The following UNC79 variants were observed in gnomAD, a reference collection of about 807,000 sequenced individuals.
UNC79 encodes the protein unc-79 subunit of NALCN channel complex, also known as protein unc-79 homolog.
In UNC79, 37 loss-of-function variants were observed where a neutral mutation model predicts 283.1. The ratio of observed to expected loss-of-function variants is 0.13; its 90% CI spans 0.10 to 0.17. The LOEUF (loss-of-function observed/expected upper bound fraction) is 0.17, where lower values mean the gene tolerates loss of function less well. Ranked by LOEUF, UNC79 falls within the 10% of genes least tolerant of loss-of-function variation. The probability of loss-of-function intolerance (pLI) is 1.00; values close to 1 mark genes in which losing one functional copy is unlikely to be tolerated. For synonymous variants in UNC79, 1,107 were observed against 1,200.2 expected, an observed-to-expected ratio of 0.92 and a Z score of 1.61; for missense variants, 2,272 against 3,211.1, an observed-to-expected ratio of 0.71 and a Z score of 7.07.
intron 1 of UNC79, among the ~76,000 whole-genome samples, chr14:93,404,349 G>T (rs2055172336): frequency 6.7e-6 from 1 of 149,430 alleles, no homozygotes; most frequent in Non-Finnish European, 1.5e-5. Flanking sequence ...AATTAGCCAG[G>T]CATGATGGCA....
intron 47 of UNC79, among the ~76,000 whole-genome samples, chr14:93,701,075 G>A (rs2075495418): frequency 6.6e-6 from 1 of 152,046 alleles, no homozygotes; most frequent in South Asian, 2.1e-4. Context: ...ACCTCCCAGG[G>A]CTCCTGGCTA....
intron 40 of UNC79, among the ~76,000 whole-genome samples, chr14:93,667,724 A>G (rs1476772341): frequency 1.3e-5 from 2 of 152,204 alleles, no homozygotes; most frequent in Non-Finnish European, 1.5e-5. Flanking sequence ...GAGAAGGACA[A>G]TAGGGGAAAG....
Position 93,371,341 on chromosome 14 carries a change from C to T in UNC79, c.-351+37818C>T, listed in dbSNP as rs373136592. Among the ~76,000 whole-genome samples, 21 of 150,908 alleles carry T rather than the reference C, an allele frequency of 1.4e-4. No homozygotes were observed. In the South Asian group the frequency reaches 2.1e-3, roughly 15 times the overall value. ...GGTGGAGGTTGCAGTGAGCCAAGAT[C>T]GCACCATGGCACTCCAGCCTGGGTG... On this transcript the variant is annotated intron_variant, in intron 1 of 49. Coordinates refer to the UNC79 transcript ENST00000256339.
intron 22 of UNC79, among the ~76,000 whole-genome samples, chr14:93,589,178 T>C (rs1367160731): frequency 6.6e-6 from 1 of 151,998 alleles, no homozygotes; most frequent in Non-Finnish European, 1.5e-5. Context: ...ACCAACTTAG[T>C]AGGGGTTTGG....
chr14:93,378,017 C>A (rs1354677749), intron 1 of UNC79, among the ~76,000 whole-genome samples: 1 of 152,162 alleles, frequency 6.6e-6, no homozygotes, highest in Admixed American at 6.5e-5. Context: ...CCAGACTTAA[C>A]ACTTGTTTTA....
chr14:93,479,944 C>G (rs938722484), intron 4 of UNC79, among the ~76,000 whole-genome samples: 1 of 152,184 alleles, frequency 6.6e-6, no homozygotes, highest in Non-Finnish European at 1.5e-5. Context: ...AGCTTTCTAA[C>G]AATTAATCTA....
Position 93,540,619 on chromosome 14 carries a change from T to G in UNC79, c.1353-41T>G, listed in dbSNP as rs777457052. 3 of 1,596,016 alleles carry G rather than the reference T, an allele frequency of 1.9e-6. No individual in the cohort carries two copies. In the African/African-American group the frequency reaches 4.0e-5, roughly 21 times the overall value. Reference sequence around the variant, plus strand: ...GAATGGGTCATGATCTAGAATGTGTTTTTTCACAGTCTAACTTGAAATCAC... The same window carrying G: ...GAATGGGTCATGATCTAGAATGTGTGTTTTCACAGTCTAACTTGAAATCAC... On this transcript the variant is annotated intron_variant, in intron 12 of 48. Coordinates refer to ENST00000555664, the Ensembl canonical transcript of UNC79.
At chr14:93,387,409 T>C (rs756406785) in intron 1 of UNC79, among the ~76,000 whole-genome samples, 2 of 152,208 alleles carry the variant, frequency 1.3e-5, no homozygotes, top group Non-Finnish European at 2.9e-5. Flanking sequence ...CTGCTTTTGC[T>C]GTATTTCTTA....
At chr14:93,673,188 C>T (rs548759644) in intron 40 of UNC79, among the ~76,000 whole-genome samples, 163 bp from the exon 44 acceptor site, 1 of 151,720 alleles carries the variant, frequency 6.6e-6, no homozygotes, top group Non-Finnish European at 1.5e-5. Flanking sequence ...ACAAAAATGC[C>T]TTTTTTTTGT....
chr14:93,641,358 T>G, intron 33 of UNC79, 111 bp downstream of exon 36: 3 of 1,033,874 alleles, frequency 2.9e-6, no homozygotes, highest in Non-Finnish European at 4.3e-6. Flanking sequence ...TCATAATTTG[T>G]TCCTCCAGTA....
chr14:93,474,405 G>A lies in UNC79; in HGVS notation c.448+12G>A, dbSNP rs151091756. ...GCACGGCCAACACGGTGAGCACTTAGCTGAAACCTTTGGAAATGTACGTGG... is the reference window on the plus strand; with the variant it reads ...GCACGGCCAACACGGTGAGCACTTAACTGAAACCTTTGGAAATGTACGTGG... On this transcript the variant is annotated intron_variant, in intron 3 of 48. Transcript: ENST00000555664. The surrounding 1 kb of genome is among the most constrained non-coding windows in gnomAD (Gnocchi z 4.1). 0.01 allele frequency: 15,896 copies of A among 1,530,074 alleles called. 109 individuals carry two copies. Among genetic ancestry groups the A allele is most frequent in the Non-Finnish European group, 0.012 (13,201 of 1,142,508 alleles). The allele number at this position is 1,530,074 out of a possible 1,614,324, so 94.8% of individuals were successfully genotyped here.
At chr14:93,354,943 A>G (rs2054054183) in intron 1 of UNC79, among the ~76,000 whole-genome samples, 1 of 152,212 alleles carries the variant, frequency 6.6e-6, no homozygotes, top group Non-Finnish European at 1.5e-5. Flanking sequence ...TTTGGCTTGA[A>G]TCTCAAAAGT....
chr14:93,675,855 G>A (rs2073297546), intron 41 of UNC79, among the ~76,000 whole-genome samples: 1 of 152,184 alleles, frequency 6.6e-6, no homozygotes, highest in South Asian at 2.1e-4. Context: ...TCAGAATGAA[G>A]TGGCTCTTAT....
chr14:93,540,675 C>T (rs775677323), exon 13 of UNC79: 19 of 1,612,018 alleles, frequency 1.2e-5, no homozygotes, highest in South Asian at 3.3e-5. Flanking sequence ...TGAAAGAAGC[C>T]GAGTTCCATG....
At chr14:93,638,688 A>T (rs1450224032) in intron 32 of UNC79, among the ~76,000 whole-genome samples, 1 of 152,214 alleles carries the variant, frequency 6.6e-6, no homozygotes, top group Non-Finnish European at 1.5e-5. Flanking sequence ...TGTAGCGTGC[A>T]CTTCAGCTAT....
intron 11 of UNC79, among the ~76,000 whole-genome samples, chr14:93,535,166 G>C (rs966612618): frequency 6.6e-6 from 1 of 152,166 alleles, no homozygotes; most frequent in African/African-American, 2.4e-5. Flanking sequence ...GTGAACATTT[G>C]AAAACATGTC....
chr14:93,415,230 G>C (rs10047821), intron 1 of UNC79, among the ~76,000 whole-genome samples: 86,307 of 151,992 alleles, frequency 0.57, 24,973 homozygotes, highest in Admixed American at 0.67. Flanking sequence ...TAGCATGAAG[G>C]GTTGTTGAAT....
chr14:93,695,080 C>A (rs548928015), intron 47 of UNC79, among the ~76,000 whole-genome samples: 15 of 152,276 alleles, frequency 9.9e-5, no homozygotes, highest in Admixed American at 3.3e-4. Context: ...ACTTGGTTTC[C>A]CACTCCGTTT....
intron 7 of UNC79, among the ~76,000 whole-genome samples, chr14:93,506,405 T>C (rs1026884748): frequency 6.6e-6 from 1 of 152,104 alleles, no homozygotes; most frequent in Non-Finnish European, 1.5e-5. Flanking sequence ...GTATTTTTAG[T>C]AGAGACGGGA....
Sources: gnomAD v4.1 joint callset for allele counts (sites outside exome capture counted in the v4.1 genomes callset) on GRCh38, gnomAD v4.1.1 for gene constraint, Gnocchi (gnomAD v3.1) non-coding constraint, MANE v1.5 for transcripts, NCBI Gene and HGNC (gene_info 2026-07-23, HGNC 2026-07-21) for gene names.